EML1: variants seen among roughly 807,000 people sequenced by gnomAD.
EML1 encodes the protein EMAP like 1, also known as echinoderm microtubule-associated protein-like 1.
In EML1, 27 loss-of-function variants were observed where a neutral mutation model predicts 110.4. The observed-to-expected ratio is 0.24, with a 90% CI of 0.18 to 0.34. EML1 has a LOEUF of 0.34. Ranked by LOEUF, EML1 falls within the 10% of genes least tolerant of loss-of-function variation. The pLI is 1.00. For synonymous variants in EML1, 344 were observed against 385.8 expected (o/e 0.89, Z 1.27); for missense variants, 741 against 1,030.9 (o/e 0.72, Z 3.85).
chr14:99,923,656 T>TATTTCCAGATACTCAGTTCTGCGTTG (rs2060176823), intron 17 of EML1, among the ~76,000 whole-genome samples: 1 of 53,776 alleles, frequency 1.9e-5, no homozygotes, highest in African/African-American at 4.3e-4. Flanking sequence ...CACCTGTGTT[T>TATTTCCAGATACTCAGTTCTGCGTTG]ATCCCCGATT....
At chr14:99,748,074 C>T (rs953666052) in intron 1 of EML1, among the ~76,000 whole-genome samples, 2 of 152,146 alleles carry the variant, frequency 1.3e-5, no homozygotes, top group African/African-American at 4.8e-5. Context: ...ACTGCCAAGG[C>T]GGAATTCGCC....
chr14:99,798,131 T>C (rs573583213), intron 1 of EML1, among the ~76,000 whole-genome samples: 20 of 152,322 alleles, frequency 1.3e-4, no homozygotes, highest in Non-Finnish European at 2.1e-4. Context: ...CTTGGGTCCG[T>C]AGAGAATAGG....
chr14:99,838,931 G>GTGTGTGTGCA (rs57809552), intron 1 of EML1: 3 of 72,146 alleles, frequency 4.2e-5, no homozygotes, highest in Admixed American at 2.2e-4. Flanking sequence ...GTGTGTGTGT[G>GTGTGTGTGCA]CGCGCGCGCG....
intron 2 of EML1, among the ~76,000 whole-genome samples, chr14:99,864,921 T>C (rs117065615): frequency 0.029 from 4,478 of 152,236 alleles, 93 homozygotes; most frequent in Non-Finnish European, 0.042. Flanking sequence ...ACTTAGCTTA[T>C]GTTCTGTAAA....
rs917097534 is a variant in EML1 at position 99,939,612 on chromosome 14, G to A, written c.2322+285G>A. Among the ~76,000 whole-genome samples the A allele has an allele frequency of 2.6e-4, 39 of 152,208 alleles. No homozygotes were observed. Among genetic ancestry groups the A allele is most frequent in the African/African-American group, 7.7e-4 (32 of 41,528 alleles). On this transcript the variant is annotated intron_variant, in intron 21 of 21. Coordinates refer to ENST00000262233, the MANE Select transcript of EML1 (RefSeq NM_004434.3). The surrounding 1 kb of genome is among the most constrained non-coding windows in gnomAD (Gnocchi z 4.2). ...TCCCTTGCTCCGGCCCTGCTCAGCCGCGCCAGCCCTGAGCCCTGGGACGCC... is the reference window on the plus strand; with the variant it reads ...TCCCTTGCTCCGGCCCTGCTCAGCCACGCCAGCCCTGAGCCCTGGGACGCC...
At chr14:99,824,954 A>G (rs540462278) in intron 1 of EML1, among the ~76,000 whole-genome samples, 2 of 152,138 alleles carry the variant, frequency 1.3e-5, no homozygotes, top group East Asian at 1.9e-4. Flanking sequence ...ACATGATTTC[A>G]TTCTTTTTTA....
intron 2 of EML1, among the ~76,000 whole-genome samples, chr14:99,864,805 CAAA>C (rs67480916): frequency 4.0e-5 from 4 of 99,038 alleles, no homozygotes; most frequent in Admixed American, 1.0e-4. Context: ...AACTCTGTCT[CAAA>C]AAAAAAAAAA....
chr14:99,846,576 C>G (rs535682390), intron 1 of EML1, among the ~76,000 whole-genome samples: 3 of 152,120 alleles, frequency 2.0e-5, no homozygotes, highest in Non-Finnish European at 4.4e-5. Context: ...AGCCACCACC[C>G]CCAGCCCTGG....
At chr14:99,750,885 G>T (rs958343157) in intron 1 of EML1, among the ~76,000 whole-genome samples, 1 of 152,078 alleles carries the variant, frequency 6.6e-6, no homozygotes, top group East Asian at 1.9e-4. Context: ...TGGCCTGGGG[G>T]AGAGGTCTCC....
intron 4 of EML1, among the ~76,000 whole-genome samples, chr14:99,888,514 C>T (rs2059522720): frequency 1.3e-5 from 2 of 152,202 alleles, no homozygotes; most frequent in South Asian, 2.1e-4. Flanking sequence ...GCCTCGTAGT[C>T]TTTTGTCAGC....
At position 99,939,051 on chromosome 14, in the gene EML1, G is replaced by A; in HGVS notation, c.2192-146G>A. Reference sequence around the variant, plus strand: ...GGCGCACAGCGAGAGGCCAGGAACTGAGGCTATTGTGCTTTTTTGACCCTT... The same window carrying A: ...GGCGCACAGCGAGAGGCCAGGAACTAAGGCTATTGTGCTTTTTTGACCCTT... On this transcript the variant is annotated intron_variant, in intron 20 of 21. Transcript: ENST00000262233. This position sits in a 1 kb window ranked among gnomAD's most constrained non-coding sequence, Gnocchi z 4.2. 4.8e-6 allele frequency: 6 copies of A among 1,249,224 alleles called. No individual in the cohort carries two copies. The highest frequency in any genetic ancestry group is 6.6e-6 in the Non-Finnish European group (6 of 905,964). 77.4% of individuals were successfully genotyped at this position (1,249,224 alleles called of 1,614,324 possible).
chr14:99,828,526 A>C (rs1203005434), intron 1 of EML1, among the ~76,000 whole-genome samples: 5 of 152,184 alleles, frequency 3.3e-5, no homozygotes, highest in Non-Finnish European at 7.3e-5. Context: ...TTTTATTATT[A>C]GTTATTTATT....
chr14:99,862,796 G>A (rs1193900108), intron 2 of EML1, among the ~76,000 whole-genome samples: 6 of 152,150 alleles, frequency 3.9e-5, no homozygotes, highest in South Asian at 4.1e-4. Flanking sequence ...CCAGCCGTAC[G>A]TGCTGCTGCT....
chr14:99,806,352 G>C (rs144897097), intron 1 of EML1, among the ~76,000 whole-genome samples: 1,496 of 80,840 alleles, frequency 0.019, 21 homozygotes, highest in Middle Eastern at 0.067. Context: ...AGACATTCTT[G>C]TTGCCCAGGC....
At chr14:99,852,804 A>C (rs754959262) in intron 2 of EML1, among the ~76,000 whole-genome samples, 2 of 152,178 alleles carry the variant, frequency 1.3e-5, no homozygotes, top group African/African-American at 4.8e-5. Flanking sequence ...CCCAGATGTT[A>C]TCACCAGCTT....
intron 13 of EML1, 140 bp downstream of exon 13, chr14:99,911,716 A>G (rs1315657579): frequency 5.1e-6 from 5 of 974,580 alleles, no homozygotes; most frequent in Non-Finnish European, 7.3e-6. Context: ...GTATTTTATT[A>G]AAATCCTGAG....
At chr14:99,793,172 C>T (rs1202446328), upstream of EML1, among the ~76,000 whole-genome samples, 1 of 147,404 alleles carries the variant, frequency 6.8e-6, no homozygotes, top group East Asian at 2.0e-4. Flanking sequence ...CCGCCCGGGC[C>T]GCGCTCCCCG....
intron 1 of EML1, among the ~76,000 whole-genome samples, chr14:99,816,951 C>T (rs2058177731): frequency 6.6e-6 from 1 of 152,232 alleles, no homozygotes; most frequent in Non-Finnish European, 1.5e-5. Context: ...CTGAGTTATG[C>T]AGACCTTCCA....
intron 1 of EML1, among the ~76,000 whole-genome samples, chr14:99,812,070 T>C (rs2058089292): frequency 6.6e-6 from 1 of 151,912 alleles, no homozygotes; most frequent in African/African-American, 2.4e-5. Flanking sequence ...CCCGTACTTA[T>C]TTCTCTACTC....
Sources: allele counts gnomAD v4.1 joint callset (sites outside exome capture counted in the v4.1 genomes callset), GRCh38; gene constraint gnomAD v4.1.1; non-coding constraint Gnocchi (gnomAD v3.1); transcripts MANE v1.5; gene names NCBI Gene and HGNC (gene_info 2026-07-23, HGNC 2026-07-21).